Variants in CTNND2 observed in about 807,000 individuals in gnomAD.
CTNND2 encodes catenin delta-2.
In CTNND2, 22 loss-of-function variants were observed where a neutral mutation model predicts 144.4. That is an observed-to-expected ratio of 0.15 (90% CI 0.11 to 0.22). CTNND2 has a LOEUF of 0.22. Among genes scored for constraint, CTNND2 ranks in the 10% least tolerant of loss-of-function variants. The pLI is 1.00. For missense variants in CTNND2, 1,353 were observed against 1,618.8 expected (o/e 0.84, Z 2.82); for synonymous variants, 751 against 695.6 (o/e 1.08, Z -1.25).
Position 11,817,470 on chromosome 5 carries a change from C to T in CTNND2, c.38-85198G>A, listed in dbSNP as rs536003252. The stretch of plus-strand genomic sequence containing the variant: ...GAGAGAGAGAGAGAGAGAGAACTAG[C>T]GCTGGAGTGAGCCAGAGCCAGCGGG... On this transcript the variant is annotated intron_variant, in intron 1 of 21. Coordinates refer to ENST00000304623, the MANE Select transcript of CTNND2 (RefSeq NM_001332.4). Among the ~76,000 whole-genome samples, 106 of 105,936 alleles carry T rather than the reference C, an allele frequency of 1.0e-3. 1 individual carries two copies. Among genetic ancestry groups the T allele is most frequent in the Non-Finnish European group, 1.4e-3 (72 of 52,374 alleles). 69.5% of individuals were successfully genotyped at this position (105,936 alleles called of 152,430 possible).
intron 1 of CTNND2, among the ~76,000 whole-genome samples, chr5:11,791,757 A>C (rs1440244371): frequency 6.6e-6 from 1 of 152,196 alleles, no homozygotes; most frequent in Non-Finnish European, 1.5e-5. Context: ...TTATCCTATT[A>C]ATTCATTACT....
chr5:11,001,319 G>A (rs1263809056), intron 18 of CTNND2, among the ~76,000 whole-genome samples: 1 of 152,108 alleles, frequency 6.6e-6, no homozygotes, highest in African/African-American at 2.4e-5. Context: ...GGTTTGGGGG[G>A]AGTTTTCAGT....
intron 3 of CTNND2, among the ~76,000 whole-genome samples, chr5:11,428,285 A>T (rs1315470359): frequency 6.6e-6 from 1 of 152,186 alleles, no homozygotes; most frequent in Admixed American, 6.5e-5. Context: ...GACCATCAGC[A>T]ATCCCTGGTT....
rs571449750 is a variant in CTNND2 at position 11,030,429 on chromosome 5, G to A, written c.2789-7450C>T. 1.3e-4 allele frequency among the ~76,000 whole-genome samples: 19 copies of A among 151,010 alleles called. 1 individual carries two copies. The South Asian group carries it at 4.0e-3, about 32-fold the overall frequency. ...CCCTTAAGCTCTGCTCCTTTTCTTC[G>A]ATCTTTTTTCTTTCTGTTCTCCAAA... On this transcript the variant is annotated intron_variant, in intron 16 of 21. Coordinates refer to ENST00000304623, the MANE Select transcript of CTNND2 (RefSeq NM_001332.4).
chr5:11,244,386 G>A (rs1347343357), intron 9 of CTNND2, among the ~76,000 whole-genome samples: 1 of 147,724 alleles, frequency 6.8e-6, no homozygotes, highest in Non-Finnish European at 1.5e-5. Context: ...CCAAGTTCAA[G>A]TGATTCTCCT....
chr5:11,197,324 A>G (rs1219098764), intron 11 of CTNND2, among the ~76,000 whole-genome samples: 1 of 152,224 alleles, frequency 6.6e-6, no homozygotes, highest in Non-Finnish European at 1.5e-5. Context: ...ACATCTATTG[A>G]AGTAACAACC....
At chr5:11,609,800 C>T (rs746639988) in intron 2 of CTNND2, among the ~76,000 whole-genome samples, 42 of 152,118 alleles carry the variant, frequency 2.8e-4, no homozygotes, top group Non-Finnish European at 5.0e-4. Flanking sequence ...GAGGCTTGAA[C>T]CTGGGAGCCT....
intron 2 of CTNND2, among the ~76,000 whole-genome samples, chr5:11,693,510 C>A (rs1302790420): frequency 7.9e-5 from 12 of 152,064 alleles, no homozygotes; most frequent in Non-Finnish European, 1.6e-4. Flanking sequence ...GCTAGAAATA[C>A]CTGTTTCAAA....
chr5:11,896,321 G>A (rs536362597), intron 1 of CTNND2, among the ~76,000 whole-genome samples: 8 of 152,180 alleles, frequency 5.3e-5, no homozygotes, highest in South Asian at 2.1e-4. Flanking sequence ...AATGTGTATC[G>A]CTTGATATCT....
intron 20 of CTNND2, among the ~76,000 whole-genome samples, chr5:10,984,286 A>C (rs1159595178): frequency 6.6e-6 from 1 of 152,226 alleles, no homozygotes; most frequent in African/African-American, 2.4e-5. Context: ...CCATAGAGTA[A>C]GTGCCCCATT....
chr5:11,680,703 C>G (rs1263017877), intron 2 of CTNND2, among the ~76,000 whole-genome samples: 1 of 151,952 alleles, frequency 6.6e-6, no homozygotes, highest in Non-Finnish European at 1.5e-5. Flanking sequence ...AGAAAGAACC[C>G]AGGAAGTCAG....
intron 12 of CTNND2, among the ~76,000 whole-genome samples, chr5:11,120,083 G>A (rs370269502): frequency 8.2e-4 from 125 of 152,268 alleles, no homozygotes; most frequent in African/African-American, 2.6e-3. Flanking sequence ...TTCTAGTCCA[G>A]TCTCCTCCAA....
In CTNND2 at chr5:11,028,467, T is replaced by C. The variant is rs528771462; in HGVS notation, c.2789-5488A>G. ...GTAGACTCATATCATTCTACAATCA[T>C]ATATCTCCAAAACTCTTTTCATCTT... is the stretch of plus-strand genomic sequence containing the variant. On this transcript the variant is annotated intron_variant, in intron 16 of 21. Coordinates refer to ENST00000304623, the MANE Select transcript of CTNND2 (RefSeq NM_001332.4). Among the ~76,000 whole-genome samples, 5 of 152,318 alleles carry C rather than the reference T, an allele frequency of 3.3e-5. No individual in the cohort carries two copies. In the South Asian group the frequency reaches 1.0e-3, roughly 32 times the overall value.
intron 11 of CTNND2, among the ~76,000 whole-genome samples, chr5:11,181,757 T>G (rs917023130): frequency 3.9e-5 from 5 of 127,626 alleles, no homozygotes; most frequent in Admixed American, 7.4e-5. Context: ...TGGATGTGTG[T>G]ATGTGTGTGT....
intron 1 of CTNND2, among the ~76,000 whole-genome samples, chr5:11,793,580 T>C (rs1294640853): frequency 1.3e-5 from 2 of 152,156 alleles, no homozygotes; most frequent in South Asian, 2.1e-4. Context: ...CAGAACGCCA[T>C]GGGAACACTG....
In CTNND2 at chr5:11,565,998, A is replaced by G. The variant is rs568118355; in HGVS notation, c.175-942T>C. Among the ~76,000 whole-genome samples the G allele has an allele frequency of 3.3e-5, 5 of 152,342 alleles. No individual in the cohort carries two copies. The South Asian group carries it at 1.0e-3, about 32-fold the overall frequency. On this transcript the variant is annotated intron_variant, in intron 2 of 21. Coordinates refer to ENST00000304623, the MANE Select transcript of CTNND2 (RefSeq NM_001332.4). ...AACAAGAATGCTTTCTCATACTGAA[A>G]AATAGCTCAGGAGTCAGTTTTGGAG... is the stretch of plus-strand genomic sequence containing the variant.
intron 3 of CTNND2, among the ~76,000 whole-genome samples, chr5:11,438,294 T>C (rs1474197898): frequency 6.6e-6 from 1 of 152,244 alleles, no homozygotes; most frequent in Non-Finnish European, 1.5e-5. Flanking sequence ...TACATATGTA[T>C]TCATGTCCAC....
intron 16 of CTNND2, among the ~76,000 whole-genome samples, chr5:11,071,116 C>CT (rs1469810232): frequency 6.6e-6 from 1 of 152,100 alleles, no homozygotes; most frequent in Non-Finnish European, 1.5e-5. Flanking sequence ...AAAGTTTTAT[C>CT]TTAGGAACAA....
chr5:11,734,533 T>C (rs965533551), intron 1 of CTNND2, among the ~76,000 whole-genome samples: 4 of 152,172 alleles, frequency 2.6e-5, no homozygotes, highest in African/African-American at 9.7e-5. Flanking sequence ...AATAGTTAAC[T>C]GAGGATATTT....
Sources: allele counts gnomAD v4.1 joint callset (sites outside exome capture counted in the v4.1 genomes callset), GRCh38; gene constraint gnomAD v4.1.1; transcripts MANE v1.5; gene names NCBI Gene and HGNC (gene_info 2026-07-23, HGNC 2026-07-21).